ZBTB11: variants seen among roughly 807,000 people sequenced by gnomAD.
ZBTB11 encodes the protein zinc finger and BTB domain-containing protein 11.
A neutral mutation model predicts 113.1 loss-of-function variants in ZBTB11; 68 were observed. The ratio of observed to expected loss-of-function variants is 0.60; its 90% CI spans 0.49 to 0.74. The LOEUF is 0.74. Among genes scored for constraint, ZBTB11 ranks in the 30% least tolerant of loss-of-function variants. The pLI is 0.00. For missense variants in ZBTB11, 1,104 were observed against 1,279.4 expected, an observed-to-expected ratio of 0.86 and a Z score of 2.09; for synonymous variants, 518 against 452.6, an observed-to-expected ratio of 1.14 and a Z score of -1.83.
At position 101,652,707 on chromosome 3, in the gene ZBTB11, A is replaced by T. The variant is rs753607821; in HGVS notation, c.2469-36T>A. 4 of 1,611,220 alleles carry T rather than the reference A, an allele frequency of 2.5e-6. No homozygotes were observed. In the South Asian group the frequency reaches 4.4e-5, roughly 18 times the overall value. On this transcript the variant is annotated intron_variant, in intron 9 of 10. Transcript: ENST00000312938. ...GGAAAAGACCCAATTATTTTGTCCA[A>T]AGAAGTAGCAGCCATAACAATCAGA...
chr3:101,674,214 G>A (rs1200075145), intron 1 of ZBTB11, among the ~76,000 whole-genome samples: 1 of 152,012 alleles, frequency 6.6e-6, no homozygotes, highest in African/African-American at 2.4e-5. Flanking sequence ...TACTCCGGAG[G>A]CTGAGGCACC....
chr3:101,675,575 G>A (rs939810001), intron 1 of ZBTB11, among the ~76,000 whole-genome samples: 2 of 152,192 alleles, frequency 1.3e-5, no homozygotes, highest in Admixed American at 1.3e-4. Flanking sequence ...AATTCTGACA[G>A]TTTGAATATT....
chr3:101,665,833 G>A (rs1365676021), intron 3 of ZBTB11, 25 bp from the exon 4 acceptor site: 2 of 1,540,002 alleles, frequency 1.3e-6, no homozygotes, highest in Admixed American at 4.4e-5. Context: ...AGAAGGTAAA[G>A]ACAAAAAAGT....
Position 101,676,675 on chromosome 3 carries a change from C to T in ZBTB11, c.240G>A (p.Leu80=), listed in dbSNP as rs752485871. 2 of 1,594,468 alleles carry T rather than the reference C, an allele frequency of 1.3e-6. No individual in the cohort carries two copies. The highest frequency in any genetic ancestry group is 1.1e-5 in the South Asian group (1 of 89,150). The change falls in exon 1 of 11, where the codon CTG becomes CTA. Residue 80 remains leucine, a synonymous_variant. Coordinates refer to ENST00000312938, the MANE Select transcript of ZBTB11 (RefSeq NM_014415.4). ...RRRDLIEAAH[L]GPGGTHHTRH... ...GGGTGTGGTGAGTGCCGCCGGGACC[C>T]AGGTGCGCCGCCTCGATGAGGTCCC... is the stretch of plus-strand genomic sequence containing the variant.
At chr3:101,673,007 A>G (rs1937107079) in intron 1 of ZBTB11, among the ~76,000 whole-genome samples, 1 of 152,248 alleles carries the variant, frequency 6.6e-6, no homozygotes, top group African/African-American at 2.4e-5. Context: ...ACTTGTAATG[A>G]AAGTTTAAAA....
chr3:101,676,663 G>T lies in ZBTB11; in HGVS notation c.252C>A (p.Gly84=). Residue 84 remains glycine (G), a synonymous_variant, in exon 1 of 11, where the codon GGC becomes GGA. Coordinates refer to ENST00000312938, the MANE Select transcript of ZBTB11 (RefSeq NM_014415.4). The part of the protein sequence containing the change: ...LIEAAHLGPG[G]THHTRHQTWH... ...AGGTCTGATGCCGGGTGTGGTGAGT[G>T]CCGCCGGGACCCAGGTGCGCCGCCT... 6.3e-7 allele frequency: 1 copy of T among 1,587,434 alleles called. No individual in the cohort carries two copies.
At position 101,659,942 on chromosome 3, in the gene ZBTB11, C is replaced by A; in HGVS notation, c.1887G>T (p.Ser629=). ...HTRKDAPSSS[S]SNSTSNEASG... ...ATGCTTCATTAGACGTGGAATTGGACGAGGATGAAGAGGGTGCATCTTTTC... is the reference window on the plus strand; with the variant it reads ...ATGCTTCATTAGACGTGGAATTGGAAGAGGATGAAGAGGGTGCATCTTTTC... The change falls in exon 6 of 11, where the codon TCG becomes TCT. Residue 629 remains serine (S), a synonymous_variant. Coordinates refer to ENST00000312938, the MANE Select transcript of ZBTB11 (RefSeq NM_014415.4). 6.2e-7 allele frequency: 1 copy of A among 1,614,054 alleles called. No individual in the cohort carries two copies. The highest frequency in any genetic ancestry group is 1.3e-5 in the African/African-American group (1 of 75,012).
intron 3 of ZBTB11, 58 bp from the exon 4 acceptor site, chr3:101,665,866 GAATTATGACAATATAA>G: frequency 6.9e-7 from 1 of 1,443,024 alleles, no homozygotes; most frequent in Non-Finnish European, 9.4e-7. Context: ...AAACAATACA[GAATTATGACAATATAA>G]AATATAATTC....
intron 1 of ZBTB11, 42 bp from the exon 2 acceptor site, chr3:101,672,255 C>A: frequency 7.3e-7 from 1 of 1,370,380 alleles, no homozygotes; most frequent in Non-Finnish European, 1.0e-6. Context: ...ATACTGTTAA[C>A]TGAAAACAGA....
chr3:101,671,081 T>G (rs1243014721), intron 3 of ZBTB11, 49 bp downstream of exon 3: 3 of 1,502,928 alleles, frequency 2.0e-6, no homozygotes, highest in Non-Finnish European at 2.8e-6. Context: ...ATCCCCCTCT[T>G]CTAGAATGTC....
chr3:101,652,399 C>T (rs1296281850), intron 10 of ZBTB11, 97 bp downstream of exon 10: 3 of 1,231,620 alleles, frequency 2.4e-6, no homozygotes, highest in Non-Finnish European at 3.4e-6. Flanking sequence ...ATGAAATTAA[C>T]CTTTTACCAA....
chr3:101,669,746 T>G (rs535071020), intron 3 of ZBTB11, among the ~76,000 whole-genome samples: 2 of 152,134 alleles, frequency 1.3e-5, no homozygotes, highest in Non-Finnish European at 2.9e-5. Context: ...TTTGCTCATA[T>G]GTACACCCCC....
At position 101,650,996 on chromosome 3, in the gene ZBTB11, T is replaced by A. The variant is rs1343851157; in HGVS notation, c.*170A>T. On this transcript the variant is annotated 3_prime_UTR_variant, in exon 11 of 11. Transcript: ENST00000312938. The stretch of plus-strand genomic sequence containing the variant: ...TCAATTTCTCTACACTAAACGGACT[T>A]TTCTATAGAACCCATTGGCCAGACA... 1.5e-6 allele frequency: 1 copy of A among 668,206 alleles called. No homozygotes were observed. The highest frequency in any genetic ancestry group is 3.6e-5 in the Admixed American group (1 of 27,698). The allele number at this position is 668,206 out of a possible 1,614,324, so 41.4% of individuals were successfully genotyped here.
chr3:101,653,942 T>G (rs572663927), intron 8 of ZBTB11, among the ~76,000 whole-genome samples: 120 of 152,310 alleles, frequency 7.9e-4, no homozygotes, highest in African/African-American at 2.6e-3. Context: ...CTGCCCAGAC[T>G]AGTTTTGAAC....
chr3:101,661,280 CCTAA>C (rs113548090), intron 5 of ZBTB11, among the ~76,000 whole-genome samples: 5 of 151,986 alleles, frequency 3.3e-5, no homozygotes, highest in African/African-American at 1.2e-4. Context: ...CTAACTGTTC[CCTAA>C]CTGCCTGATA....
intron 3 of ZBTB11, among the ~76,000 whole-genome samples, chr3:101,669,447 G>A (rs952266287): frequency 6.6e-6 from 1 of 151,890 alleles, no homozygotes; most frequent in African/African-American, 2.4e-5. Context: ...AAGACTAAAT[G>A]ATGTATTATG....
At chr3:101,660,351 T>C (rs1936867580) in intron 5 of ZBTB11, among the ~76,000 whole-genome samples, 1 of 152,220 alleles carries the variant, frequency 6.6e-6, no homozygotes, top group African/African-American at 2.4e-5. Context: ...GAGTAGGGGC[T>C]GGAAATAGAA....
Position 101,671,335 on chromosome 3 carries a change from A to G in ZBTB11, c.573T>C (p.Arg191=). ...CAGCCTGACAATGTTTTGGAGAAGA[A>G]CGTTTTACCACTCCTTTGGTGTCAA... ...VFVDTKGVVK[R]SSPKHCQAVL... is the part of the protein sequence containing the mutation. The change falls in exon 3 of 11, where the codon CGT becomes CGC. Residue 191 remains arginine, a synonymous_variant. Transcript: ENST00000312938. The G allele has an allele frequency of 6.2e-7, 1 of 1,614,196 alleles. No homozygotes were observed. Among genetic ancestry groups the G allele is most frequent in the African/African-American group, 1.3e-5 (1 of 75,064 alleles).
At chr3:101,668,186 G>A (rs936795479) in intron 3 of ZBTB11, among the ~76,000 whole-genome samples, 3 of 152,074 alleles carry the variant, frequency 2.0e-5, no homozygotes, top group Admixed American at 1.3e-4. Flanking sequence ...AAGAGCTATG[G>A]TTATTAGAAG....
Sources: gnomAD v4.1 joint callset for allele counts (sites outside exome capture counted in the v4.1 genomes callset) on GRCh38, gnomAD v4.1.1 for gene constraint, MANE v1.5 for transcripts, NCBI Gene and HGNC (gene_info 2026-07-23, HGNC 2026-07-21) for gene names.